Variants in LCORL observed in about 807,000 individuals in gnomAD.
LCORL encodes the protein ligand-dependent nuclear receptor corepressor-like protein.
LCORL carries 41 observed loss-of-function variants against 141.8 expected under a neutral mutation model. The observed-to-expected ratio is 0.29, with a 90% confidence interval of 0.23 to 0.38. The LOEUF is 0.38. Ranked by LOEUF, LCORL falls within the 10% of genes least tolerant of loss-of-function variation. The pLI is 1.00. For synonymous variants in LCORL, 618 were observed against 694.1 expected (o/e 0.89, Z 1.72); for missense variants, 1,759 against 2,035.0 (o/e 0.86, Z 2.61).
intron 2 of LCORL, among the ~76,000 whole-genome samples, chr4:17,972,389 A>G (rs942983534): frequency 6.6e-6 from 1 of 151,876 alleles, no homozygotes; most frequent in African/African-American, 2.4e-5. Flanking sequence ...AGAACAAACA[A>G]AAGTAAAAAT....
At chr4:17,917,427 A>T (rs748002627) in intron 4 of LCORL, among the ~76,000 whole-genome samples, 2 of 152,234 alleles carry the variant, frequency 1.3e-5, no homozygotes, top group Non-Finnish European at 2.9e-5. Context: ...TCCCGACCTC[A>T]GGTGATCTGC....
At position 17,884,008 on chromosome 4, in the gene LCORL, T is replaced by C; in HGVS notation, c.776+2060A>G. The C allele has an allele frequency of 6.4e-7, 1 of 1,550,896 alleles. No individual in the cohort carries two copies. The highest frequency in any genetic ancestry group is 8.7e-7 in the Non-Finnish European group (1 of 1,146,414). On this transcript the variant is annotated intron_variant, in intron 6 of 7. Transcript: ENST00000635767. This position sits in a 1 kb window ranked among gnomAD's most constrained non-coding sequence, Gnocchi z 4.4. ...TGGGCTGCTTACTGTCTTTTCGATC[T>C]AATCCATCTTCAGTATTTTCAGAGG...
At chr4:17,878,471 C>T (rs1169474490) in intron 6 of LCORL, among the ~76,000 whole-genome samples, 1 of 151,344 alleles carries the variant, frequency 6.6e-6, no homozygotes, top group African/African-American at 2.4e-5. Flanking sequence ...CATATGATTA[C>T]ATTTATATAT....
chr4:18,009,998 G>A (rs532362090), intron 1 of LCORL, among the ~76,000 whole-genome samples: 13 of 152,210 alleles, frequency 8.5e-5, no homozygotes, highest in Admixed American at 5.2e-4. Context: ...AAGGGAGGAG[G>A]AAGAAGACAT....
At chr4:17,993,500 C>T (rs373967968) in intron 1 of LCORL, among the ~76,000 whole-genome samples, 14 of 151,588 alleles carry the variant, frequency 9.2e-5, no homozygotes, top group East Asian at 1.9e-4. Context: ...CCACCACACC[C>T]GGCCTAATTA....
chr4:17,987,922 C>G (rs1719289632), intron 1 of LCORL, among the ~76,000 whole-genome samples: 1 of 152,116 alleles, frequency 6.6e-6, no homozygotes, highest in Non-Finnish European at 1.5e-5. Context: ...TTTCTTCAAG[C>G]CTGTGGATTG....
At chr4:17,962,165 G>C (rs766029291) in intron 3 of LCORL, 133 bp from the exon 4 acceptor site, 3 of 463,050 alleles carry the variant, frequency 6.5e-6, no homozygotes, top group Non-Finnish European at 1.1e-5. Context: ...AAATTAGATA[G>C]AGGGAACATA....
chr4:17,999,163 C>T (rs1362931230), intron 1 of LCORL, among the ~76,000 whole-genome samples: 4 of 65,672 alleles, frequency 6.1e-5, no homozygotes, highest in Non-Finnish European at 1.3e-4. Context: ...GTGAGTAATG[C>T]ATTGCACCAC....
chr4:17,884,385 G>A lies in LCORL; in HGVS notation c.776+1683C>T, dbSNP rs1206725468. ...ATTTTCTGTAGAGTTAGCTGATGGA[G>A]GTAAGTGGAAGCTGTTGGGAATTTT... On this transcript the variant is annotated intron_variant, in intron 6 of 7. Coordinates refer to ENST00000635767, the Ensembl canonical transcript of LCORL. The surrounding 1 kb of genome is among the most constrained non-coding windows in gnomAD (Gnocchi z 4.4). The A allele has an allele frequency of 3.2e-6, 5 of 1,548,014 alleles. No homozygotes were observed. The highest frequency in any genetic ancestry group is 1.2e-5 in the South Asian group (1 of 83,726).
chr4:17,901,395 A>C (rs918734144), intron 5 of LCORL, among the ~76,000 whole-genome samples: 12 of 152,048 alleles, frequency 7.9e-5, no homozygotes, highest in East Asian at 1.9e-4. Flanking sequence ...ATAAAAAAAA[A>C]AACAACAAAA....
intron 4 of LCORL, among the ~76,000 whole-genome samples, chr4:17,919,093 C>G (rs1055419765): frequency 6.6e-6 from 1 of 151,652 alleles, no homozygotes; most frequent in Non-Finnish European, 1.5e-5. Flanking sequence ...TAAAAAAACA[C>G]AAAAGATTAT....
intron 7 of LCORL, among the ~76,000 whole-genome samples, chr4:17,860,594 C>T (rs1206602059): frequency 3.9e-5 from 6 of 152,154 alleles, no homozygotes; most frequent in Admixed American, 2.6e-4. Flanking sequence ...ATCTCATATC[C>T]TCACATTTCA....
intron 1 of LCORL, among the ~76,000 whole-genome samples, chr4:18,012,768 T>C (rs1560484232): frequency 6.6e-6 from 1 of 152,162 alleles, no homozygotes. Context: ...CAGTATTTTG[T>C]TACTATCAGC....
intron 4 of LCORL, among the ~76,000 whole-genome samples, chr4:17,952,264 T>C (rs1336633446): frequency 6.6e-6 from 1 of 152,154 alleles, no homozygotes; most frequent in Non-Finnish European, 1.5e-5. Flanking sequence ...ATTACATCTC[T>C]TTTGATGATC....
At chr4:17,908,276 C>T (rs575451253) in intron 5 of LCORL, among the ~76,000 whole-genome samples, 5 of 152,316 alleles carry the variant, frequency 3.3e-5, no homozygotes, top group African/African-American at 1.2e-4. Context: ...AGGTGATCCA[C>T]CTGCCTCGGC....
At chr4:17,951,279 A>G (rs755592207) in intron 4 of LCORL, among the ~76,000 whole-genome samples, 4 of 152,184 alleles carry the variant, frequency 2.6e-5, no homozygotes, top group Non-Finnish European at 4.4e-5. Context: ...GTACATGTTC[A>G]TTGGTGAAGT....
intron 4 of LCORL, among the ~76,000 whole-genome samples, chr4:17,914,464 T>G (rs16896043): frequency 0.074 from 11,300 of 152,272 alleles, 949 homozygotes; most frequent in African/African-American, 0.21. Flanking sequence ...CTACTCTGTT[T>G]TATTCACCCA....
At chr4:18,000,294 A>G (rs966785690) in intron 1 of LCORL, among the ~76,000 whole-genome samples, 5 of 152,312 alleles carry the variant, frequency 3.3e-5, no homozygotes, top group African/African-American at 1.2e-4. Flanking sequence ...GAAAAAAACA[A>G]GCAATTAAAA....
chr4:18,008,747 A>C (rs1262660690), intron 1 of LCORL, among the ~76,000 whole-genome samples: 1 of 152,184 alleles, frequency 6.6e-6, no homozygotes, highest in Non-Finnish European at 1.5e-5. Flanking sequence ...TCAAGGGGCA[A>C]TTCTTGGTGC....
Sources: gnomAD v4.1 joint callset for allele counts (sites outside exome capture counted in the v4.1 genomes callset) on GRCh38, gnomAD v4.1.1 for gene constraint, Gnocchi (gnomAD v3.1) non-coding constraint, MANE v1.5 for transcripts, NCBI Gene and HGNC (gene_info 2026-07-23, HGNC 2026-07-21) for gene names.